Variants in RAB38 observed in about 807,000 individuals in gnomAD.
RAB38 encodes the protein RAB38, member RAS oncogene family, also known as ras-related protein Rab-38.
Under a neutral mutation model 18.4 loss-of-function variants are expected in RAB38, and 15 were observed. That is an observed-to-expected ratio of 0.82 (90% CI 0.55 to 1.26). The LOEUF (loss-of-function observed/expected upper bound fraction) is 1.26. Among genes scored for constraint, RAB38 ranks in the 50% most tolerant of loss-of-function variants. The pLI is 0.00. For synonymous variants in RAB38, 101 were observed against 104.4 expected (o/e 0.97, Z 0.20); for missense variants, 294 against 267.4 (o/e 1.10, Z -0.69).
chr11:87,955,621 T>C, the RAB38 span, among the ~76,000 whole-genome samples: 7 of 152,236 alleles, frequency 4.6e-5, no homozygotes, highest in South Asian at 1.5e-3. Flanking sequence ...AAGCCAAACT[T>C]AAATGAATAA....
the RAB38 span, among the ~76,000 whole-genome samples, chr11:87,905,557 G>A: frequency 6.6e-6 from 1 of 151,700 alleles, no homozygotes; most frequent in African/African-American, 2.4e-5. Flanking sequence ...CATTACATTT[G>A]GACTAGAGTA....
At chr11:87,935,780 C>G in the RAB38 span, among the ~76,000 whole-genome samples, 1 of 152,066 alleles carries the variant, frequency 6.6e-6, no homozygotes, top group East Asian at 1.9e-4. Flanking sequence ...ATCCATGAAC[C>G]TGTTCTTCAT....
chr11:87,953,579 A>ATTAT, the RAB38 span, among the ~76,000 whole-genome samples: 1 of 151,970 alleles, frequency 6.6e-6, no homozygotes, highest in Non-Finnish European at 1.5e-5. Flanking sequence ...TTACATTATT[A>ATTAT]TTATTTATTG....
chr11:87,941,214 G>GAGATAT, the RAB38 span, among the ~76,000 whole-genome samples: 3 of 62,550 alleles, frequency 4.8e-5, no homozygotes, highest in South Asian at 5.3e-4. Flanking sequence ...AAATATATGA[G>GAGATAT]ATATATATAT....
chr11:87,893,684 C>T, the RAB38 span, among the ~76,000 whole-genome samples: 1 of 151,522 alleles, frequency 6.6e-6, no homozygotes, highest in Admixed American at 6.6e-5. Flanking sequence ...TCCTCTTCCT[C>T]TCGTGATCTC....
At chr11:88,016,401 G>A in the RAB38 span, among the ~76,000 whole-genome samples, 1 of 152,096 alleles carries the variant, frequency 6.6e-6, no homozygotes, top group Non-Finnish European at 1.5e-5. Context: ...CTACTCAGAT[G>A]CCTGTGGAAT....
the RAB38 span, among the ~76,000 whole-genome samples, chr11:88,032,988 CAAT>C: frequency 2.2e-4 from 33 of 152,062 alleles, no homozygotes; most frequent in Non-Finnish European, 4.3e-4. Flanking sequence ...AAATGTCCAA[CAAT>C]GATAGACTGG....
the RAB38 span, among the ~76,000 whole-genome samples, chr11:87,825,010 GTA>G: frequency 6.6e-6 from 1 of 151,912 alleles, no homozygotes; most frequent in African/African-American, 2.4e-5. Context: ...GTGTGTGTGT[GTA>G]TGTGTGTGTG....
At chr11:88,021,810 T>C in the RAB38 span, among the ~76,000 whole-genome samples, 2 of 141,170 alleles carry the variant, frequency 1.4e-5, no homozygotes, top group East Asian at 2.2e-4. Flanking sequence ...GCTGAGATCA[T>C]GCCACTGCAC....
chr11:87,972,640 G>T, the RAB38 span, among the ~76,000 whole-genome samples: 447 of 152,026 alleles, frequency 2.9e-3, 4 homozygotes, highest in African/African-American at 0.01. Context: ...ATCACTTTAT[G>T]GTGAATTATA....
chr11:87,808,438 G>A, the RAB38 span, among the ~76,000 whole-genome samples: 1 of 152,160 alleles, frequency 6.6e-6, no homozygotes, highest in Non-Finnish European at 1.5e-5. Flanking sequence ...TATTATGTTA[G>A]GCTTAGGAAG....
the RAB38 span, among the ~76,000 whole-genome samples, chr11:87,963,882 G>A: frequency 6.6e-6 from 1 of 152,014 alleles, no homozygotes; most frequent in East Asian, 1.9e-4. Context: ...TCCTGACCTT[G>A]TGATCCACGC....
At chr11:88,166,684 T>G (rs370682674) in intron 1 of RAB38, 1 of 152,244 alleles carries the variant, frequency 6.6e-6, no homozygotes, top group South Asian at 2.1e-4. Flanking sequence ...CACTTCAAAT[T>G]ATGGAGACTG....
the RAB38 span, among the ~76,000 whole-genome samples, chr11:88,093,487 G>GAA: frequency 5.3e-5 from 8 of 150,954 alleles, 1 homozygote; most frequent in South Asian, 1.7e-3. Flanking sequence ...TGTATAGTTT[G>GAA]AAAAAAAAAA....
At chr11:87,966,501 A>T in the RAB38 span, among the ~76,000 whole-genome samples, 1 of 152,196 alleles carries the variant, frequency 6.6e-6, no homozygotes, top group Non-Finnish European at 1.5e-5. Context: ...ATATATTTCT[A>T]AATTTCCAAG....
the RAB38 span, among the ~76,000 whole-genome samples, chr11:87,858,454 C>G: frequency 6.6e-6 from 1 of 152,044 alleles, no homozygotes; most frequent in Non-Finnish European, 1.5e-5. Flanking sequence ...GCCTGTCAAG[C>G]AGATTGTTCC....
chr11:88,087,852 C>T, the RAB38 span, among the ~76,000 whole-genome samples: 1 of 151,910 alleles, frequency 6.6e-6, no homozygotes, highest in African/African-American at 2.4e-5. Flanking sequence ...TCACTTTATC[C>T]TGTCTGGACC....
chr11:87,870,547 C>T, the RAB38 span, among the ~76,000 whole-genome samples: 11 of 151,446 alleles, frequency 7.3e-5, no homozygotes, highest in Non-Finnish European at 1.0e-4. Flanking sequence ...CTTTTCTGGC[C>T]ATACTAAATT....
At chr11:88,086,724 A>T in the RAB38 span, among the ~76,000 whole-genome samples, 1 of 151,860 alleles carries the variant, frequency 6.6e-6, no homozygotes, top group African/African-American at 2.4e-5. Context: ...ATATAAATGG[A>T]TAGATAGATA....
Sources: gnomAD v4.1 joint callset for allele counts (sites outside exome capture counted in the v4.1 genomes callset) on GRCh38, gnomAD v4.1.1 for gene constraint, MANE v1.5 for transcripts, NCBI Gene and HGNC (gene_info 2026-07-23, HGNC 2026-07-21) for gene names.